Variants in NIN observed in about 807,000 individuals in gnomAD.
NIN encodes glycogen synthase kinase 3 beta-interacting protein.
Under a neutral mutation model 257.6 loss-of-function variants are expected in NIN, and 137 were observed. That is an observed-to-expected ratio of 0.53 (90% CI 0.46 to 0.61). The LOEUF (loss-of-function observed/expected upper bound fraction) is 0.61. Ranked by LOEUF, NIN falls within the 20% of genes least tolerant of loss-of-function variation. The pLI, the probability that NIN is intolerant of heterozygous loss-of-function variation, is 0.00. For missense variants in NIN, 2,439 were observed against 2,501.2 expected, an observed-to-expected ratio of 0.98 and a Z score of 0.53; for synonymous variants, 918 against 919.8, an observed-to-expected ratio of 1.00 and a Z score of 0.04.
chr14:50,768,491 A>G lies in NIN; in HGVS notation c.1435-1601T>C, dbSNP rs548257961. 3.3e-5 allele frequency among the ~76,000 whole-genome samples: 5 copies of G among 152,324 alleles called. No homozygotes were observed. The East Asian group carries it at 5.8e-4, about 18-fold the overall frequency. On this transcript the variant is annotated intron_variant, in intron 12 of 30. Coordinates refer to ENST00000530997, the MANE Select transcript of NIN (RefSeq NM_020921.4). ...GAAATGTGCTATCTCTTGGCAAGAA[A>G]AAAGTAAATGTAATGGGAATGAAAA...
rs369558417 is a variant in NIN, at chr14:50,741,661, C to T, written c.5369G>A (p.Arg1790Gln). The change falls in exon 25 of 31, where the codon CGA becomes CAA. Residue 1790 changes from arginine (R) to glutamine (Q), a missense_variant. Physicochemically the swap from Arg to Gln is conservative, Grantham distance 43 (BLOSUM62 1). Around this residue, in one of 3 missense-constraint regions of NIN, gnomAD observed 2,043 missense variants for 2,050.2 expected, o/e 1.00. Coordinates refer to ENST00000530997, the MANE Select transcript of NIN (RefSeq NM_020921.4). The part of the protein sequence containing the change: ...LQMSRMKSDL[R>Q]VTQQEKEALK... ...AGCCTCCTTTTCCTGCTGAGTCACT[C>T]GTAGGTCAGATTTCATCCGGGACAT... 1.1e-5 allele frequency: 18 copies of T among 1,613,976 alleles called. No individual in the cohort carries two copies. Among genetic ancestry groups the T allele is most frequent in the East Asian group, 6.7e-5 (3 of 44,888 alleles).
Position 50,738,283 on chromosome 14 carries a change from G to T in NIN, c.5632C>A (p.Arg1878Ser). 6.2e-7 allele frequency: 1 copy of T among 1,611,628 alleles called. No homozygotes were observed. ...AELTHSREKV[R>S]QLESNLLPKH... ...GGAAGAAGATTGGATTCCAACTGAC[G>T]GACCTAACAGGAACAAATGTAAGAG... Residue 1878 changes from arginine (R) to serine (S), a missense_variant, in exon 27 of 31, where the codon CGT becomes AGT. Physicochemically the swap from Arg to Ser is moderately radical, Grantham distance 110. Around this residue, in one of 3 missense-constraint regions of NIN, gnomAD observed 2,043 missense variants for 2,050.2 expected, o/e 1.00. Coordinates refer to ENST00000530997, the MANE Select transcript of NIN (RefSeq NM_020921.4).
At chr14:50,766,918 G>A (rs2042511112) in intron 12 of NIN, 28 bp from the exon 13 acceptor site, 2 of 1,479,884 alleles carry the variant, frequency 1.4e-6, no homozygotes, top group Admixed American at 3.4e-5. Flanking sequence ...AATTAAATGT[G>A]GTACAGATTA....
At chr14:50,801,411 G>A (rs912138492) in intron 4 of NIN, among the ~76,000 whole-genome samples, 1 of 152,094 alleles carries the variant, frequency 6.6e-6, no homozygotes, top group Admixed American at 6.6e-5. Flanking sequence ...TTAACTCTTG[G>A]AGAAAACTTC....
intron 12 of NIN, 135 bp downstream of exon 12, chr14:50,770,253 G>T: frequency 1.2e-6 from 1 of 821,468 alleles, no homozygotes; most frequent in Non-Finnish European, 1.9e-6. Context: ...GCCAAGTCTG[G>T]GTGAAGACCC....
chr14:50,739,621 G>C, intron 25 of NIN, 134 bp from the exon 26 acceptor site: 1 of 690,482 alleles, frequency 1.4e-6, no homozygotes, highest in Non-Finnish European at 2.4e-6. Flanking sequence ...GTCTTCTAAT[G>C]AAAGTATGTG....
In NIN at chr14:50,777,104, C is replaced by A. The variant is rs770951163; in HGVS notation, c.511G>T (p.Ala171Ser). The change falls in exon 7 of 31, where the codon GCT becomes TCT. Residue 171 changes from alanine to serine, a missense_variant. Coordinates refer to ENST00000530997, the MANE Select transcript of NIN (RefSeq NM_020921.4). ...LRFWNPDDLNASQSGSSPPQD... is the reference protein window; with the variant it reads ...LRFWNPDDLNSSQSGSSPPQD... Reference sequence around the variant, plus strand: ...GGAGGGGAAGATCCACTCTGTGAAGCATTCAAGTCATCTGGGTTCCAAAAC... The same window carrying A: ...GGAGGGGAAGATCCACTCTGTGAAGAATTCAAGTCATCTGGGTTCCAAAAC... The A allele has an allele frequency of 1.2e-6, 2 of 1,612,992 alleles. No homozygotes were observed. The highest frequency in any genetic ancestry group is 1.7e-6 in the Non-Finnish European group (2 of 1,179,494).
chr14:50,796,432 G>A (rs1449462762), intron 4 of NIN, among the ~76,000 whole-genome samples: 1 of 152,170 alleles, frequency 6.6e-6, no homozygotes, highest in African/African-American at 2.4e-5. Context: ...AGCACGTGGG[G>A]AAAACATCTG....
At chr14:50,767,690 G>A (rs530343217) in intron 12 of NIN, among the ~76,000 whole-genome samples, 57 of 151,950 alleles carry the variant, frequency 3.8e-4, no homozygotes, top group East Asian at 7.8e-4. Context: ...GGTGGCGGGC[G>A]CCTGTAGTCC....
rs563934076 is a variant in NIN at position 50,765,102 on chromosome 14, T to C, written c.1636-1138A>G. On this transcript the variant is annotated intron_variant, in intron 14 of 30. Transcript: ENST00000530997. Reference sequence around the variant, plus strand: ...AAAAAAAAAAAAAAAATTAGGCGTTTGGCAGACACCTGCAATCCCAGCTAC... The same window carrying C: ...AAAAAAAAAAAAAAAATTAGGCGTTCGGCAGACACCTGCAATCCCAGCTAC... 4.8e-5 allele frequency among the ~76,000 whole-genome samples: 7 copies of C among 144,900 alleles called. No homozygotes were observed. In the East Asian group the frequency reaches 1.4e-3, roughly 29 times the overall value.
At position 50,831,037 on chromosome 14, in the gene NIN, C is replaced by T. The variant is rs2045683367; in HGVS notation, c.-107G>A. 1 of 150,886 alleles carries T rather than the reference C, an allele frequency of 6.6e-6. No individual in the cohort carries two copies. Among genetic ancestry groups the T allele is most frequent in the East Asian group, 1.9e-4 (1 of 5,162 alleles). The allele number at this position is 150,886 out of a possible 1,614,324, so 9.3% of individuals were successfully genotyped here. A position where few individuals can be genotyped will look rare whatever the true frequency, so the allele number is the denominator to read the frequency against. On this transcript the variant is annotated 5_prime_UTR_variant, in exon 1 of 31. Coordinates refer to ENST00000530997, the MANE Select transcript of NIN (RefSeq NM_020921.4). Reference sequence around the variant, plus strand: ...CCGGGGCTCAGGCGCCCGGCGCCGCCGCGGGAACCATGGCCGCTGGCGCAC... The same window carrying T: ...CCGGGGCTCAGGCGCCCGGCGCCGCTGCGGGAACCATGGCCGCTGGCGCAC...
rs1311894001 is a variant in NIN at position 50,831,132 on chromosome 14, C to G, written c.-202G>C. 8 of 150,256 alleles carry G rather than the reference C, an allele frequency of 5.3e-5. No individual in the cohort carries two copies. In the East Asian group the frequency reaches 1.6e-3, roughly 29 times the overall value. 9.3% of individuals were successfully genotyped at this position (150,256 alleles called of 1,614,324 possible). On this transcript the variant is annotated 5_prime_UTR_variant, in exon 1 of 31. Transcript: ENST00000530997. The stretch of plus-strand genomic sequence containing the variant: ...CGGCTCCCGGCTCGGCCGCGGCCAC[C>G]CGGAGCTCTGGACGCCGGGGAGGAA...
Position 50,758,597 on chromosome 14 carries a change from G to C in NIN, c.2433C>G (p.Thr811=). Reference sequence around the variant, plus strand: ...ACTGAAACTGGGCTTCTATTTGAGAGGTTCTTCTATTACACTCTGTTTCCA... The same window carrying C: ...ACTGAAACTGGGCTTCTATTTGAGACGTTCTTCTATTACACTCTGTTTCCA... ...EKMETECNRR[T]SQIEAQFQSD... The change falls in exon 18 of 31, where the codon ACC becomes ACG. Residue 811 remains threonine, a synonymous_variant. Coordinates refer to ENST00000530997, the MANE Select transcript of NIN (RefSeq NM_020921.4). 6.3e-7 allele frequency: 1 copy of C among 1,592,962 alleles called. No homozygotes were observed. Among genetic ancestry groups the C allele is most frequent in the Non-Finnish European group, 8.5e-7 (1 of 1,171,284 alleles).
chr14:50,758,808 A>G (rs954266483), intron 17 of NIN, among the ~76,000 whole-genome samples, 178 bp from the exon 18 acceptor site: 1 of 152,228 alleles, frequency 6.6e-6, no homozygotes, highest in African/African-American at 2.4e-5. Context: ...CATTTCTGAA[A>G]GCTAAGACTG....
chr14:50,823,230 A>T (rs766010899), intron 2 of NIN: 1 of 575,934 alleles, frequency 1.7e-6, no homozygotes, highest in Non-Finnish European at 3.5e-6. Flanking sequence ...AAACCTGCAC[A>T]TCTGAAGATG....
rs555676923 is a variant in NIN at position 50,729,947 on chromosome 14, T to C, written c.5878-224A>G. 3.3e-5 allele frequency among the ~76,000 whole-genome samples: 5 copies of C among 152,368 alleles called. No individual in the cohort carries two copies. The South Asian group carries it at 6.2e-4, about 19-fold the overall frequency. On this transcript the variant is annotated intron_variant, in intron 28 of 30. Transcript: ENST00000530997. ...TAATAAGTAGGCTTTCTTAAAAGTT[T>C]TAGGCTTAAAAAGCCCTTCCCAACT...
rs750250925 is a variant in NIN, at chr14:50,757,442, C to T, written c.3588G>A (p.Leu1196=). ...SEETRTESWE[L]KNQISQLQEQ... The stretch of plus-strand genomic sequence containing the variant: ...CCTGAAGCTGACTAATCTGATTCTT[C>T]AGCTCCCAGGATTCAGTCCTGGTCT... The change falls in exon 18 of 31, where the codon CTG becomes CTA. Residue 1196 remains leucine (L), a synonymous_variant. Coordinates refer to ENST00000530997, the MANE Select transcript of NIN (RefSeq NM_020921.4). The T allele has an allele frequency of 1.9e-6, 3 of 1,614,162 alleles. No individual in the cohort carries two copies. In the South Asian group the frequency reaches 3.3e-5, roughly 18 times the overall value.
chr14:50,744,730 G>A (rs2041457510), intron 22 of NIN, among the ~76,000 whole-genome samples: 1 of 152,176 alleles, frequency 6.6e-6, no homozygotes, highest in South Asian at 2.1e-4. Flanking sequence ...CTTGACCTCA[G>A]GAGTTTGAGG....
chr14:50,756,391 A>C (rs1390903999), intron 18 of NIN, 101 bp downstream of exon 18: 19 of 1,255,840 alleles, frequency 1.5e-5, no homozygotes, highest in Non-Finnish European at 2.0e-5. Context: ...TCTCTTCGTG[A>C]AGACTACTAG....
Sources: allele counts gnomAD v4.1 joint callset (sites outside exome capture counted in the v4.1 genomes callset), GRCh38; gene constraint gnomAD v4.1.1; regional missense constraint gnomAD v4.1.1; transcripts MANE v1.5; gene names NCBI Gene and HGNC (gene_info 2026-07-23, HGNC 2026-07-21).